LRRC56: variants seen among roughly 807,000 people sequenced by gnomAD.
LRRC56 encodes leucine rich repeat containing 56.
A neutral mutation model predicts 47.8 loss-of-function variants in LRRC56; 41 were observed. That is an observed-to-expected ratio of 0.86 (90% confidence interval 0.67 to 1.11). The LOEUF (loss-of-function observed/expected upper bound fraction) is 1.11. Ranked by LOEUF, LRRC56 falls within the 50% of genes most tolerant of loss-of-function variation. The pLI is 0.00. For missense variants in LRRC56, 759 were observed against 704.2 expected (o/e 1.08, Z -0.88); for synonymous variants, 387 against 311.2 (o/e 1.24, Z -2.56).
In LRRC56 at chr11:552,684, C is replaced by A; in HGVS notation, c.1297C>A (p.Pro433Thr). 6.2e-7 allele frequency: 1 copy of A among 1,608,136 alleles called. No homozygotes were observed. Among genetic ancestry groups the A allele is most frequent in the Non-Finnish European group, 8.5e-7 (1 of 1,177,362 alleles). ...GGCAGAGCCCAAGACTCCCTCCAGCCCCCCAAGCCTGGCCTCAGGTACTGA... is the reference window on the plus strand; with the variant it reads ...GGCAGAGCCCAAGACTCCCTCCAGCACCCCAAGCCTGGCCTCAGGTACTGA... ...HQAEPKTPSS[P>T]PSLASEPSGT... Residue 433 changes from proline (P) to threonine (T), a missense_variant, in exon 13 of 14, where the codon CCC (proline) becomes ACC (threonine). Coordinates refer to ENST00000270115, the MANE Select transcript of LRRC56 (RefSeq NM_198075.4).
At chr11:517,572 G>T in the LRRC56 span, among the ~76,000 whole-genome samples, 3 of 151,888 alleles carry the variant, frequency 2.0e-5, no homozygotes, top group East Asian at 1.9e-4. Context: ...CGTCCCATCT[G>T]GGGGGTGAGG....
chr11:510,773 G>C, the LRRC56 span, among the ~76,000 whole-genome samples: 4 of 152,022 alleles, frequency 2.6e-5, no homozygotes, highest in Non-Finnish European at 5.9e-5. Flanking sequence ...GCTGGGCGTG[G>C]TGGCCTGCAC....
At chr11:532,859 G>A (rs993421123), upstream of LRRC56, 20 of 1,146,224 alleles carry the variant, frequency 1.7e-5, no homozygotes, top group Middle Eastern at 2.0e-4. Flanking sequence ...CGAAGCTCCC[G>A]ACTCCACCAG....
In LRRC56 at chr11:551,640, A is replaced by C. The variant is rs1327699537; in HGVS notation, c.797-11A>C. 1.9e-6 allele frequency: 3 copies of C among 1,545,506 alleles called. No individual in the cohort carries two copies. In the African/African-American group the frequency reaches 4.1e-5, roughly 21 times the overall value. Reference sequence around the variant, plus strand: ...GGGCCTTGGTGACCTCTGCTTCTGAACCTCGGGCAGACTGTCCCCGTGGAG... The same window carrying C: ...GGGCCTTGGTGACCTCTGCTTCTGACCCTCGGGCAGACTGTCCCCGTGGAG... On this transcript the variant is annotated splice_polypyrimidine_tract_variant and intron_variant, in intron 9 of 13. Coordinates refer to ENST00000270115, the MANE Select transcript of LRRC56 (RefSeq NM_198075.4).
Position 541,660 on chromosome 11 carries a change from C to A in LRRC56, c.265+36C>A. Reference sequence around the variant, plus strand: ...TCCCACCCCGCCATGGCCACGGCCACGGCCACGCCTCCCTGTAAACAACAC... The same window carrying A: ...TCCCACCCCGCCATGGCCACGGCCAAGGCCACGCCTCCCTGTAAACAACAC... On this transcript the variant is annotated intron_variant, in intron 5 of 13. Transcript: ENST00000270115. This position sits in a 1 kb window ranked among gnomAD's most constrained non-coding sequence, Gnocchi z 4.1. The A allele has an allele frequency of 1.6e-6, 2 of 1,282,238 alleles. No homozygotes were observed. The highest frequency in any genetic ancestry group is 2.2e-5 in the Admixed American group (1 of 45,594). 79.4% of individuals were successfully genotyped at this position (1,282,238 alleles called of 1,614,324 possible).
upstream of LRRC56, chr11:534,222 G>C (rs2133994210): frequency 6.2e-7 from 1 of 1,611,924 alleles, no homozygotes; most frequent in Non-Finnish European, 8.5e-7. Flanking sequence ...CTCTATAGTG[G>C]GGTCGTATTC....
Position 541,611 on chromosome 11 carries a change from C to T in LRRC56, c.252C>T (p.Ser84=). Residue 84 remains serine (S), a synonymous_variant, in exon 5 of 14, where the codon AGC becomes AGT. Coordinates refer to ENST00000270115, the MANE Select transcript of LRRC56 (RefSeq NM_198075.4). The surrounding 1 kb of genome is among the most constrained non-coding windows in gnomAD (Gnocchi z 4.1). The part of the protein sequence containing the change: ...LEMCVDTREG[S]LGNFGVHLPN... ...TGTGTGTGGACACTCGTGAGGGCAGCCTGGGGAACTTTGGTGAGCCTCTTC... is the reference window on the plus strand; with the variant it reads ...TGTGTGTGGACACTCGTGAGGGCAGTCTGGGGAACTTTGGTGAGCCTCTTC... The T allele has an allele frequency of 6.4e-7, 1 of 1,574,442 alleles. No individual in the cohort carries two copies. Among genetic ancestry groups the T allele is most frequent in the East Asian group, 2.4e-5 (1 of 41,760 alleles).
At chr11:507,626 T>C in the LRRC56 span, among the ~76,000 whole-genome samples, 2 of 152,052 alleles carry the variant, frequency 1.3e-5, no homozygotes, top group African/African-American at 4.8e-5. Context: ...CGGGCCTTGC[T>C]GGGGCGCGGG....
chr11:546,964 G>A (rs937601411), intron 6 of LRRC56, among the ~76,000 whole-genome samples: 6 of 152,040 alleles, frequency 3.9e-5, no homozygotes, highest in African/African-American at 7.2e-5. Flanking sequence ...GGCAGAGGCA[G>A]GAGAATTGCT....
chr11:521,899 A>G, the LRRC56 span, among the ~76,000 whole-genome samples: 4 of 146,004 alleles, frequency 2.7e-5, no homozygotes, highest in Non-Finnish European at 6.0e-5. Context: ...TGGATGACAG[A>G]GCAAGACTCC....
chr11:554,041 C>T lies in LRRC56; in HGVS notation c.1394C>T (p.Ser465Phe), dbSNP rs1261608165. The change falls in exon 14 of 14, where the codon TCC becomes TTC. Residue 465 changes from serine (S) to phenylalanine (F), a missense_variant. Transcript: ENST00000270115. ...HPRPRDSGSS[S>F]PRWSTDLQSR... is the part of the protein sequence containing the mutation. ...AGGCCACGAGATTCTGGCAGCAGCT[C>T]CCCGCGGTGGTCGACAGACCTGCAG... is the stretch of plus-strand genomic sequence containing the variant. 3 of 1,611,870 alleles carry T rather than the reference C, an allele frequency of 1.9e-6. No individual in the cohort carries two copies. The highest frequency in any genetic ancestry group is 1.3e-5 in the African/African-American group (1 of 74,898).
chr11:546,413 A>C (rs1182826307), intron 6 of LRRC56, among the ~76,000 whole-genome samples: 1 of 151,970 alleles, frequency 6.6e-6, no homozygotes, highest in Non-Finnish European at 1.5e-5. Flanking sequence ...CTAAAAATAC[A>C]AAAAATTAGC....
At chr11:549,836 C>A in intron 6 of LRRC56, 66 bp from the exon 7 acceptor site, 1 of 1,443,630 alleles carries the variant, frequency 6.9e-7, no homozygotes, top group Non-Finnish European at 9.7e-7. Flanking sequence ...TGAAGACAGC[C>A]AAAGGCAGGT....
chr11:533,799 T>G (rs138272051), upstream of LRRC56: 216 of 1,613,340 alleles, frequency 1.3e-4, no homozygotes, highest in African/African-American at 7.3e-4. Context: ...AGACTTGGTG[T>G]TGTTGATGGC....
At chr11:534,686 G>A (rs1219796067), upstream of LRRC56, 9 of 356,846 alleles carry the variant, frequency 2.5e-5, no homozygotes, top group Non-Finnish European at 4.8e-5. Flanking sequence ...AAAGGCTAAA[G>A]GGAGGCGCCC....
At chr11:532,896 C>CG, upstream of LRRC56, 1 of 843,026 alleles carries the variant, frequency 1.2e-6, no homozygotes, top group Non-Finnish European at 2.0e-6. Context: ...ACCACACACA[C>CG]GGGAAGCTGG....
the LRRC56 span, among the ~76,000 whole-genome samples, chr11:525,304 C>T: frequency 6.6e-6 from 1 of 151,622 alleles, no homozygotes; most frequent in Non-Finnish European, 1.5e-5. Flanking sequence ...CTTTGGGAGG[C>T]CAAGGCGGGC....
In LRRC56 at chr11:541,600, C is replaced by G. The variant is rs371006219; in HGVS notation, c.241C>G (p.Arg81Gly). 21 of 1,584,810 alleles carry G rather than the reference C, an allele frequency of 1.3e-5. No homozygotes were observed. The highest frequency in any genetic ancestry group is 1.8e-5 in the Non-Finnish European group (21 of 1,164,302). The change falls in exon 5 of 14, where the codon CGT becomes GGT. Residue 81 changes from arginine (R) to glycine (G), a missense_variant. Transcript: ENST00000270115. This position sits in a 1 kb window ranked among gnomAD's most constrained non-coding sequence, Gnocchi z 4.1. ...GACGCTGGAGATGTGTGTGGACACT[C>G]GTGAGGGCAGCCTGGGGAACTTTGG... Reference protein sequence around the residue: ...VRTLEMCVDTREGSLGNFGVH... With the variant: ...VRTLEMCVDTGEGSLGNFGVH...
chr11:507,308 C>T, the LRRC56 span: 1 of 82,712 alleles, frequency 1.2e-5, no homozygotes, highest in Non-Finnish European at 2.6e-5. Flanking sequence ...GGCGCGGGGG[C>T]GGGGCCTGGC....
Sources: allele counts gnomAD v4.1 joint callset (sites outside exome capture counted in the v4.1 genomes callset), GRCh38; gene constraint gnomAD v4.1.1; non-coding constraint Gnocchi (gnomAD v3.1); transcripts MANE v1.5; gene names NCBI Gene and HGNC (gene_info 2026-07-23, HGNC 2026-07-21).